The following SFSWAP variants were observed in gnomAD, a reference collection of about 807,000 sequenced individuals.
The protein encoded by SFSWAP is splicing factor SWAP.
A neutral mutation model predicts 100.7 loss-of-function variants in SFSWAP; 17 were observed. The ratio of observed to expected loss-of-function variants is 0.17; its 90% CI spans 0.12 to 0.25. The LOEUF (loss-of-function observed/expected upper bound fraction) is 0.25, where lower values mean the gene tolerates loss of function less well. Among genes scored for constraint, SFSWAP ranks in the 10% least tolerant of loss-of-function variants. The pLI, the probability that SFSWAP is intolerant of heterozygous loss-of-function variation, is 1.00. For synonymous variants in SFSWAP, 504 were observed against 510.1 expected, an observed-to-expected ratio of 0.99 and a Z score of 0.16; for missense variants, 1,005 against 1,262.6, an observed-to-expected ratio of 0.80 and a Z score of 3.09.
chr12:131,730,310 A>G lies in SFSWAP; in HGVS notation c.1081+1882A>G, dbSNP rs751415425. 8.5e-5 allele frequency among the ~76,000 whole-genome samples: 13 copies of G among 152,142 alleles called. No homozygotes were observed. Among genetic ancestry groups the G allele is most frequent in the Non-Finnish European group, 1.8e-4 (12 of 68,032 alleles). On this transcript the variant is annotated intron_variant, in intron 7 of 17. Coordinates refer to ENST00000261674, the MANE Select transcript of SFSWAP (RefSeq NM_004592.4). This position sits in a 1 kb window ranked among gnomAD's most constrained non-coding sequence, Gnocchi z 4.0. Reference sequence around the variant, plus strand: ...CTCTGCTTCCTCCTTTCCTTTTCCAAGCCTGTCGTTGAGTTTGCTTGAACC... The same window carrying G: ...CTCTGCTTCCTCCTTTCCTTTTCCAGGCCTGTCGTTGAGTTTGCTTGAACC...
chr12:131,714,121 A>G lies in SFSWAP; in HGVS notation c.269A>G (p.Tyr90Cys). 1 of 1,613,942 alleles carries G rather than the reference A, an allele frequency of 6.2e-7. No homozygotes were observed. The highest frequency in any genetic ancestry group is 1.1e-5 in the South Asian group (1 of 91,064). ...GACCTTTCTGAGTACGATGCTGAGT[A>G]TTCCACGTGGAACAGAGATTATCAG... The part of the protein sequence containing the change: ...LHDLSEYDAE[Y>C]STWNRDYQLS... Residue 90 changes from tyrosine to cysteine, a missense_variant, in exon 2 of 18, where the codon TAT (tyrosine) becomes TGT (cysteine). Around this residue, in one of 7 missense-constraint regions of SFSWAP, gnomAD observed 237 missense variants for 337.0 expected, o/e 0.70. Transcript: ENST00000261674. The surrounding 1 kb of genome is among the most constrained non-coding windows in gnomAD (Gnocchi z 6.0).
At chr12:131,736,424 C>G (rs543155686) in intron 7 of SFSWAP, among the ~76,000 whole-genome samples, 23 of 152,140 alleles carry the variant, frequency 1.5e-4, no homozygotes, top group African/African-American at 5.5e-4. Context: ...AAAAAAAAAG[C>G]CTGTATGTCT....
At chr12:131,797,482 C>T (rs1885769355) in intron 16 of SFSWAP, 122 bp downstream of exon 16, 1 of 868,392 alleles carries the variant, frequency 1.2e-6, no homozygotes, top group Non-Finnish European at 1.7e-6. Context: ...GCGCCAGCCA[C>T]AAAGCCAAAC....
At position 131,778,343 on chromosome 12, in the gene SFSWAP, G is replaced by C; in HGVS notation, c.2408+13G>C. On this transcript the variant is annotated intron_variant, in intron 14 of 17. Transcript: ENST00000261674. The surrounding 1 kb of genome is among the most constrained non-coding windows in gnomAD (Gnocchi z 4.2). Reference sequence around the variant, plus strand: ...TGCGGCGGTCGAGGTGGGTGTGAAGGGGGCAGCACCTCTGGTACCCTCATG... The same window carrying C: ...TGCGGCGGTCGAGGTGGGTGTGAAGCGGGCAGCACCTCTGGTACCCTCATG... The C allele has an allele frequency of 6.2e-7, 1 of 1,608,488 alleles. No homozygotes were observed. Among genetic ancestry groups the C allele is most frequent in the Non-Finnish European group, 8.5e-7 (1 of 1,176,780 alleles).
In SFSWAP at chr12:131,778,029, T is replaced by A; in HGVS notation, c.2143-36T>A. ...GATATACATCTTCAATGTTCTGTTT[T>A]CCCTGTTAACACCCAGATTTTCCTT... is the stretch of plus-strand genomic sequence containing the variant. On this transcript the variant is annotated intron_variant, in intron 13 of 17. Transcript: ENST00000261674. The surrounding 1 kb of genome is among the most constrained non-coding windows in gnomAD (Gnocchi z 4.2). 6.3e-7 allele frequency: 1 copy of A among 1,581,626 alleles called. No homozygotes were observed.
At chr12:131,771,992 G>A (rs1208730371) in intron 13 of SFSWAP, among the ~76,000 whole-genome samples, 1 of 152,152 alleles carries the variant, frequency 6.6e-6, no homozygotes, top group Non-Finnish European at 1.5e-5. Context: ...ATTGTCTGCT[G>A]CCTTTTGAAC....
At chr12:131,766,028 T>C in intron 12 of SFSWAP, 90 bp from the exon 13 acceptor site, 2 of 1,297,424 alleles carry the variant, frequency 1.5e-6, no homozygotes, top group Non-Finnish European at 2.1e-6. Context: ...CTAACTGCAT[T>C]GTATGACACT....
At position 131,745,907 on chromosome 12, in the gene SFSWAP, G is replaced by A. The variant is rs1465255418; in HGVS notation, c.1082-7216G>A. Among the ~76,000 whole-genome samples, 4 of 152,360 alleles carry A rather than the reference G, an allele frequency of 2.6e-5. No individual in the cohort carries two copies. In the East Asian group the frequency reaches 7.7e-4, roughly 29 times the overall value. The stretch of plus-strand genomic sequence containing the variant: ...CTCTTGGCAGCGGGTCAGGCTGTGG[G>A]CTTCAGAGTGGGCCGCTTCCTGGCT... On this transcript the variant is annotated intron_variant, in intron 7 of 17. Transcript: ENST00000261674.
chr12:131,713,902 C>G, intron 1 of SFSWAP, 169 bp from the exon 2 acceptor site: 1 of 437,414 alleles, frequency 2.3e-6, no homozygotes, highest in Non-Finnish European at 4.0e-6. Flanking sequence ...ATATGACTAT[C>G]CAAATTAAAT....
At chr12:131,746,437 T>C (rs1244820788) in intron 7 of SFSWAP, among the ~76,000 whole-genome samples, 1 of 152,222 alleles carries the variant, frequency 6.6e-6, no homozygotes, top group Non-Finnish European at 1.5e-5. Context: ...GTGGGTCGTT[T>C]GTTTGCAGTG....
intron 5 of SFSWAP, 39 bp from the exon 6 acceptor site, chr12:131,726,901 A>G (rs746026793): frequency 7.8e-7 from 1 of 1,283,218 alleles, no homozygotes; most frequent in African/African-American, 1.5e-5. Context: ...TTTTTTTCTC[A>G]CCAAACACCA....
At chr12:131,796,381 A>T (rs986003614) in intron 15 of SFSWAP, 1 of 152,382 alleles carries the variant, frequency 6.6e-6, no homozygotes, top group Non-Finnish European at 1.5e-5. Context: ...GGAGAGAAGG[A>T]TGATCTAAGG....
intron 4 of SFSWAP, among the ~76,000 whole-genome samples, chr12:131,721,319 A>T (rs892412490): frequency 6.6e-6 from 1 of 152,196 alleles, no homozygotes; most frequent in Non-Finnish European, 1.5e-5. Context: ...TTGTTTCTCC[A>T]TTTCTAGTAT....
At chr12:131,718,359 A>G (rs143297499) in intron 3 of SFSWAP, among the ~76,000 whole-genome samples, 15 of 152,330 alleles carry the variant, frequency 9.8e-5, no homozygotes, top group Non-Finnish European at 1.8e-4. Flanking sequence ...AAGAACCTCA[A>G]TAGATCATTG....
At chr12:131,768,726 G>A (rs569849860) in intron 13 of SFSWAP, among the ~76,000 whole-genome samples, 1 of 152,292 alleles carries the variant, frequency 6.6e-6, no homozygotes, top group African/African-American at 2.4e-5. Flanking sequence ...CCCCCGGGAC[G>A]CCGTCTCACA....
chr12:131,756,674 A>G, intron 11 of SFSWAP, 30 bp downstream of exon 11: 3 of 1,543,060 alleles, frequency 1.9e-6, no homozygotes, highest in South Asian at 1.2e-5. Context: ...TTGGCCTTGC[A>G]CATTCCACCA....
chr12:131,796,631 G>C (rs1343930402), intron 15 of SFSWAP: 1 of 152,472 alleles, frequency 6.6e-6, no homozygotes, highest in African/African-American at 2.4e-5. Flanking sequence ...TAAGAAAAAG[G>C]AAGAAGCAGC....
chr12:131,784,476 G>T (rs184964290), intron 14 of SFSWAP: 18 of 152,002 alleles, frequency 1.2e-4, no homozygotes, highest in East Asian at 3.9e-4. Flanking sequence ...TTTCTGGACT[G>T]TTATCATTGA....
chr12:131,727,489 T>C (rs569758549), intron 6 of SFSWAP, among the ~76,000 whole-genome samples: 2 of 152,264 alleles, frequency 1.3e-5, no homozygotes, highest in East Asian at 3.9e-4. Context: ...CTACTAAAAA[T>C]ACAAAAATTA....
Sources: allele counts gnomAD v4.1 joint callset (sites outside exome capture counted in the v4.1 genomes callset), GRCh38; gene constraint gnomAD v4.1.1; regional missense constraint gnomAD v4.1.1; non-coding constraint Gnocchi (gnomAD v3.1); transcripts MANE v1.5; gene names NCBI Gene and HGNC (gene_info 2026-07-23, HGNC 2026-07-21).